Variants in ZEB1 observed in about 807,000 individuals in gnomAD.
ZEB1 encodes the protein zinc finger E-box-binding homeobox 1.
In ZEB1, 21 loss-of-function variants were observed where a neutral mutation model predicts 84.9. The ratio of observed to expected loss-of-function variants is 0.25; its 90% confidence interval spans 0.18 to 0.36. ZEB1 has a LOEUF of 0.36. ZEB1 is among the 10% of genes least tolerant of loss of function. The pLI, the probability that ZEB1 is intolerant of heterozygous loss-of-function variation, is 1.00. For synonymous variants in ZEB1, 420 were observed against 471.1 expected, an observed-to-expected ratio of 0.89 and a Z score of 1.41; for missense variants, 1,104 against 1,330.2, an observed-to-expected ratio of 0.83 and a Z score of 2.65.
intron 4 of ZEB1, among the ~76,000 whole-genome samples, chr10:31,507,017 C>T (rs1174240646): frequency 6.6e-6 from 1 of 152,070 alleles, no homozygotes; most frequent in African/African-American, 2.4e-5. Context: ...TAGGGCCAGT[C>T]TAGTGGTCAT....
At chr10:31,423,587 G>A (rs967281192) in intron 1 of ZEB1, among the ~76,000 whole-genome samples, 1 of 152,082 alleles carries the variant, frequency 6.6e-6, no homozygotes, top group African/African-American at 2.4e-5. Flanking sequence ...AATGCATGAG[G>A]ATCAGTGTTT....
chr10:31,413,931 A>G (rs1446005327), intron 1 of ZEB1, among the ~76,000 whole-genome samples: 1 of 152,194 alleles, frequency 6.6e-6, no homozygotes, highest in African/African-American at 2.4e-5. Context: ...CTCATGCATT[A>G]GAGCTTGTCC....
intron 1 of ZEB1, among the ~76,000 whole-genome samples, chr10:31,401,617 C>CTT (rs1440009662): frequency 6.6e-6 from 1 of 152,150 alleles, no homozygotes; most frequent in Non-Finnish European, 1.5e-5. Context: ...GTGACATTCT[C>CTT]TTTATGCTCA....
At chr10:31,430,188 G>A (rs746029079) in intron 1 of ZEB1, among the ~76,000 whole-genome samples, 6 of 152,022 alleles carry the variant, frequency 3.9e-5, no homozygotes, top group Non-Finnish European at 8.8e-5. Context: ...GTAATCGTAG[G>A]CAATTTAAGA....
At chr10:31,472,385 G>A (rs1168114182) in intron 2 of ZEB1, among the ~76,000 whole-genome samples, 3 of 152,080 alleles carry the variant, frequency 2.0e-5, no homozygotes, top group East Asian at 1.9e-4. Flanking sequence ...TATCACCACC[G>A]ATCCCACAGA....
At chr10:31,510,974 T>C (rs1429743770) in intron 5 of ZEB1, 99 bp downstream of exon 5, 1 of 1,155,148 alleles carries the variant, frequency 8.7e-7, no homozygotes, top group Non-Finnish European at 1.3e-6. Context: ...GTTAAAAGAA[T>C]GTACTAAACA....
chr10:31,489,989 CAG>C (rs1171194655), intron 2 of ZEB1, among the ~76,000 whole-genome samples: 3 of 151,576 alleles, frequency 2.0e-5, no homozygotes, highest in African/African-American at 7.2e-5. Context: ...TTTGAGCTGA[CAG>C]ATATTTTTTG....
At chr10:31,416,542 T>G (rs1452537181) in intron 1 of ZEB1, among the ~76,000 whole-genome samples, 1 of 152,104 alleles carries the variant, frequency 6.6e-6, no homozygotes, top group Non-Finnish European at 1.5e-5. Flanking sequence ...ATGTAGGTTT[T>G]TGTGTAAAAT....
At chr10:31,493,581 A>G (rs972025474) in intron 2 of ZEB1, among the ~76,000 whole-genome samples, 1 of 152,020 alleles carries the variant, frequency 6.6e-6, no homozygotes, top group African/African-American at 2.4e-5. Flanking sequence ...TCCTAAATCC[A>G]GAAGTAAGAT....
At chr10:31,394,532 C>T (rs1406506238) in intron 1 of ZEB1, among the ~76,000 whole-genome samples, 1 of 152,132 alleles carries the variant, frequency 6.6e-6, no homozygotes, top group African/African-American at 2.4e-5. Context: ...CTTCATTTTC[C>T]TTCCAGTCAG....
chr10:31,398,462 A>G (rs2051245200), intron 1 of ZEB1, among the ~76,000 whole-genome samples: 1 of 149,994 alleles, frequency 6.7e-6, no homozygotes, highest in Non-Finnish European at 1.5e-5. Context: ...TCTCTGCATC[A>G]TTATTTTTCC....
intron 1 of ZEB1, chr10:31,321,320 G>A (rs912762558): frequency 1.4e-6 from 2 of 1,407,286 alleles, no homozygotes; most frequent in Non-Finnish European, 9.3e-7. Context: ...CACTGCTTTC[G>A]TGATTTTAAT....
chr10:31,322,509 A>G (rs886864178), intron 1 of ZEB1, among the ~76,000 whole-genome samples: 5 of 152,192 alleles, frequency 3.3e-5, no homozygotes, highest in African/African-American at 1.2e-4. Flanking sequence ...ATATGTCTGA[A>G]GGTAGGATAT....
At chr10:31,327,169 G>A (rs1458813281) in intron 1 of ZEB1, among the ~76,000 whole-genome samples, 1 of 142,458 alleles carries the variant, frequency 7.0e-6, no homozygotes, top group African/African-American at 2.6e-5. Flanking sequence ...GGAGTGTAAA[G>A]GCGCGATATC....
intron 2 of ZEB1, 60 bp from the exon 3 acceptor site, chr10:31,495,716 T>G: frequency 6.3e-7 from 1 of 1,583,360 alleles, no homozygotes; most frequent in South Asian, 1.1e-5. Flanking sequence ...CTTTAAACAT[T>G]TGTCTTTCGT....
intron 1 of ZEB1, among the ~76,000 whole-genome samples, chr10:31,452,702 TGTGTGTG>T (rs1422519135): frequency 2.8e-5 from 1 of 35,812 alleles, no homozygotes; most frequent in African/African-American, 5.7e-5. Context: ...TAGGATAAAA[TGTGTGTG>T]TGTGTGTGTG....
chr10:31,359,681 A>T (rs1278013212), intron 1 of ZEB1, among the ~76,000 whole-genome samples: 2 of 152,204 alleles, frequency 1.3e-5, no homozygotes, highest in Non-Finnish European at 2.9e-5. Flanking sequence ...GAAAGTACAA[A>T]ATGATACCAT....
rs142094757 is a variant in ZEB1, at chr10:31,492,544, C to T, written c.260-3232C>T. Reference sequence around the variant, plus strand: ...GAGTATCTATACAGGTATAAATGTGCATGGCATGTGTGAATGTGTGTCAAA... The same window carrying T: ...GAGTATCTATACAGGTATAAATGTGTATGGCATGTGTGAATGTGTGTCAAA... On this transcript the variant is annotated intron_variant, in intron 2 of 8. Transcript: ENST00000424869. Among the ~76,000 whole-genome samples, 13 of 151,850 alleles carry T rather than the reference C, an allele frequency of 8.6e-5. No homozygotes were observed. The East Asian group carries it at 2.1e-3, about 25-fold the overall frequency.
intron 2 of ZEB1, among the ~76,000 whole-genome samples, chr10:31,464,871 GA>G (rs2062211799): frequency 6.6e-6 from 1 of 152,100 alleles, no homozygotes; most frequent in African/African-American, 2.4e-5. Context: ...AAGAAAAACT[GA>G]AGGCAGTTTT....
Sources: allele counts gnomAD v4.1 joint callset (sites outside exome capture counted in the v4.1 genomes callset), GRCh38; gene constraint gnomAD v4.1.1; transcripts MANE v1.5; gene names NCBI Gene and HGNC (gene_info 2026-07-23, HGNC 2026-07-21).